MAP3K7: variants seen among roughly 807,000 people sequenced by gnomAD.
MAP3K7 encodes the protein mitogen-activated protein kinase kinase kinase 7.
In MAP3K7, 21 loss-of-function variants were observed where a neutral mutation model predicts 84.8. The ratio of observed to expected loss-of-function variants is 0.25; its 90% CI spans 0.18 to 0.36. MAP3K7 has a LOEUF of 0.36. Ranked by LOEUF, MAP3K7 falls within the 10% of genes least tolerant of loss-of-function variation. The pLI, the probability that MAP3K7 is intolerant of heterozygous loss-of-function variation, is 1.00. For missense variants in MAP3K7, 503 were observed against 747.7 expected (o/e 0.67, Z 3.82); for synonymous variants, 241 against 247.7 (o/e 0.97, Z 0.25).
intron 1 of MAP3K7, among the ~76,000 whole-genome samples, chr6:90,583,337 C>A (rs1456685091): frequency 6.6e-6 from 1 of 152,164 alleles, no homozygotes; most frequent in Non-Finnish European, 1.5e-5. Context: ...TACTGAGTGA[C>A]ACTGTAAATC....
chr6:90,586,704 C>A, intron 1 of MAP3K7, 60 bp downstream of exon 1: 1 of 1,541,060 alleles, frequency 6.5e-7, no homozygotes, highest in Admixed American at 2.0e-5. Flanking sequence ...GAGCCGGCAC[C>A]AGGCAGAGGC....
At chr6:90,524,463 G>A (rs1404103931) in intron 13 of MAP3K7, among the ~76,000 whole-genome samples, 2 of 152,106 alleles carry the variant, frequency 1.3e-5, no homozygotes, top group Non-Finnish European at 2.9e-5. Flanking sequence ...CAAATTCTAG[G>A]AAACAATCAA....
intron 13 of MAP3K7, among the ~76,000 whole-genome samples, chr6:90,532,548 G>A (rs181020638): frequency 2.6e-4 from 39 of 152,278 alleles, no homozygotes; most frequent in Admixed American, 2.4e-3. Flanking sequence ...AATGTAATAT[G>A]CCCACTTCTC....
At chr6:90,539,267 A>G (rs982896216) in intron 12 of MAP3K7, among the ~76,000 whole-genome samples, 14 of 151,936 alleles carry the variant, frequency 9.2e-5, no homozygotes, top group African/African-American at 2.9e-4. Context: ...TGAATTTTTT[A>G]GATTACAAAA....
chr6:90,553,942 T>C (rs921514547), intron 6 of MAP3K7, among the ~76,000 whole-genome samples: 4 of 152,210 alleles, frequency 2.6e-5, no homozygotes, highest in Admixed American at 2.0e-4. Flanking sequence ...TGTTGTTTAT[T>C]ATTATTTTAT....
intron 11 of MAP3K7, 42 bp from the exon 12 acceptor site, chr6:90,544,674 A>C (rs1318467850): frequency 6.8e-7 from 1 of 1,468,846 alleles, no homozygotes; most frequent in Non-Finnish European, 9.5e-7. Flanking sequence ...AAACAACCAC[A>C]AACAGTAACA....
intron 3 of MAP3K7, among the ~76,000 whole-genome samples, chr6:90,562,746 T>G: frequency 6.6e-6 from 1 of 152,280 alleles, no homozygotes; most frequent in Middle Eastern, 3.4e-3. Flanking sequence ...AGCATGGAGT[T>G]TGAGATCTGA....
intron 7 of MAP3K7, 27 bp from the exon 8 acceptor site, chr6:90,552,206 G>A (rs1294618779): frequency 6.4e-7 from 1 of 1,574,234 alleles, no homozygotes; most frequent in Non-Finnish European, 8.7e-7. Flanking sequence ...GAGGAAGGGG[G>A]GAAGAATGTA....
At chr6:90,559,988 T>G in intron 5 of MAP3K7, 88 bp downstream of exon 5, 35 of 1,457,026 alleles carry the variant, frequency 2.4e-5, no homozygotes, top group Non-Finnish European at 3.1e-5. Context: ...TGTACAATAA[T>G]GAGCTTGAAT....
chr6:90,534,725 TTC>T (rs1775610714), intron 13 of MAP3K7, among the ~76,000 whole-genome samples: 1 of 152,196 alleles, frequency 6.6e-6, no homozygotes, highest in South Asian at 2.1e-4. Context: ...AACACTTTTA[TTC>T]TAGAGTCTAC....
intron 16 of MAP3K7, among the ~76,000 whole-genome samples, chr6:90,517,223 T>G (rs879351225): frequency 6.6e-6 from 1 of 150,928 alleles, no homozygotes; most frequent in Non-Finnish European, 1.5e-5. Context: ...TTAAAACACT[T>G]ACATTTGCAA....
intron 13 of MAP3K7, among the ~76,000 whole-genome samples, chr6:90,525,109 T>TA (rs201291556): frequency 0.027 from 4,139 of 151,064 alleles, 69 homozygotes; most frequent in South Asian, 0.044. Context: ...TTAAGATATT[T>TA]AAAAAAAAAT....
chr6:90,531,455 A>G (rs539172943), intron 13 of MAP3K7, among the ~76,000 whole-genome samples: 42 of 152,336 alleles, frequency 2.8e-4, no homozygotes, highest in Non-Finnish European at 4.4e-4. Context: ...TAAAATGGGT[A>G]TAAGTTGGTA....
intron 12 of MAP3K7, among the ~76,000 whole-genome samples, chr6:90,543,185 T>A (rs763774041): frequency 1.3e-5 from 2 of 152,042 alleles, no homozygotes; most frequent in Non-Finnish European, 2.9e-5. Context: ...TGTAAAATGA[T>A]CTCTTTGTTA....
At chr6:90,573,434 G>A (rs1776971824) in intron 1 of MAP3K7, among the ~76,000 whole-genome samples, 1 of 152,106 alleles carries the variant, frequency 6.6e-6, no homozygotes, top group South Asian at 2.1e-4. Flanking sequence ...ATAATATTAG[G>A]ACACTAGTTG....
At chr6:90,557,270 T>G (rs1776365174) in intron 5 of MAP3K7, among the ~76,000 whole-genome samples, 1 of 152,212 alleles carries the variant, frequency 6.6e-6, no homozygotes. Flanking sequence ...AGTAGCATAC[T>G]CTTACTTACA....
chr6:90,523,423 G>GA (rs1350562319), intron 14 of MAP3K7, among the ~76,000 whole-genome samples: 1 of 151,628 alleles, frequency 6.6e-6, no homozygotes, highest in South Asian at 2.1e-4. Context: ...TTCGCAACTG[G>GA]AAAAAAACCC....
intron 3 of MAP3K7, among the ~76,000 whole-genome samples, chr6:90,565,656 C>T (rs966959866): frequency 3.9e-5 from 6 of 152,172 alleles, no homozygotes; most frequent in African/African-American, 1.4e-4. Context: ...TGGTACCATT[C>T]CTTCTGAAAC....
At position 90,515,377 on chromosome 6, in the gene MAP3K7, C is replaced by T. The variant is rs1275794852; in HGVS notation, c.*1124G>A. On this transcript the variant is annotated 3_prime_UTR_variant, in exon 17 of 17. Coordinates refer to ENST00000369329, the MANE Select transcript of MAP3K7 (RefSeq NM_145331.3). ...AAAATTACTGTTAACAATATAAATA[C>T]TCTGTAAGTGTTGAAATTCTCTTGA... is the stretch of plus-strand genomic sequence containing the variant. 2.6e-5 allele frequency: 4 copies of T among 151,928 alleles called. No homozygotes were observed. In the East Asian group the frequency reaches 5.8e-4, roughly 22 times the overall value. 9.4% of individuals were successfully genotyped at this position (151,928 alleles called of 1,614,324 possible).
Sources: allele counts gnomAD v4.1 joint callset (sites outside exome capture counted in the v4.1 genomes callset), GRCh38; gene constraint gnomAD v4.1.1; transcripts MANE v1.5; gene names NCBI Gene and HGNC (gene_info 2026-07-23, HGNC 2026-07-21).